SIPA1L3: variants seen among roughly 807,000 people sequenced by gnomAD.
SIPA1L3 encodes signal-induced proliferation-associated 1-like protein 3.
In SIPA1L3, 59 loss-of-function variants were observed where a neutral mutation model predicts 150.1. The ratio of observed to expected loss-of-function variants is 0.39; its 90% CI spans 0.32 to 0.49. The LOEUF (loss-of-function observed/expected upper bound fraction) is 0.49. SIPA1L3 is among the 20% of genes least tolerant of loss of function. The pLI is 0.86. For synonymous variants in SIPA1L3, 1,070 were observed against 1,077.6 expected (o/e 0.99, Z 0.14); for missense variants, 2,211 against 2,489.5 (o/e 0.89, Z 2.38).
At chr19:37,961,858 A>C (rs913946386) in intron 1 of SIPA1L3, among the ~76,000 whole-genome samples, 1 of 151,650 alleles carries the variant, frequency 6.6e-6, no homozygotes, top group Non-Finnish European at 1.5e-5. Context: ...ACTTTTTTTG[A>C]TCTATCTTTA....
chr19:38,106,277 T>G (rs574506062), intron 6 of SIPA1L3: 17 of 347,736 alleles, frequency 4.9e-5, no homozygotes, highest in Middle Eastern at 9.5e-4. Context: ...TGGCTAATTT[T>G]TGTGCTTTTA....
chr19:38,049,183 C>T (rs1969129922), intron 2 of SIPA1L3, among the ~76,000 whole-genome samples: 1 of 152,162 alleles, frequency 6.6e-6, no homozygotes, highest in Admixed American at 6.5e-5. Context: ...TCCCTTGTCA[C>T]TGGGAAGGTT....
intron 1 of SIPA1L3, among the ~76,000 whole-genome samples, chr19:37,984,136 G>T (rs930933857): frequency 6.6e-6 from 1 of 152,160 alleles, no homozygotes; most frequent in South Asian, 2.1e-4. Context: ...CTCAGGGAGC[G>T]CTGTGTGAGC....
intron 1 of SIPA1L3, among the ~76,000 whole-genome samples, chr19:37,924,256 G>C (rs963666882): frequency 6.6e-6 from 1 of 151,798 alleles, no homozygotes; most frequent in African/African-American, 2.4e-5. Flanking sequence ...ATGAGCCTAG[G>C]CCTCCACAGG....
intron 7 of SIPA1L3, among the ~76,000 whole-genome samples, chr19:38,107,280 G>A (rs1428996767): frequency 1.3e-5 from 2 of 152,224 alleles, no homozygotes; most frequent in Non-Finnish European, 2.9e-5. Context: ...TTGGGGCCTG[G>A]GGTAGGGGTG....
In SIPA1L3 at chr19:37,998,032, GAGCT is replaced by G. The variant is rs1479901270; in HGVS notation, c.-378-31054_-378-31051del. On this transcript the variant is annotated intron_variant, in intron 1 of 21. Coordinates refer to ENST00000222345, the MANE Select transcript of SIPA1L3 (RefSeq NM_015073.3). ...TTCAAATCCCAGCCCCAGCTGGTAA[GAGCT>G]AGATAACCTTGGGCAAGTAGCTTTA... 2.0e-5 allele frequency among the ~76,000 whole-genome samples: 3 copies of G among 152,304 alleles called. No homozygotes were observed. In the East Asian group the frequency reaches 5.8e-4, roughly 29 times the overall value.
intron 2 of SIPA1L3, among the ~76,000 whole-genome samples, chr19:38,079,279 G>A (rs1381071787): frequency 6.6e-6 from 1 of 152,200 alleles, no homozygotes; most frequent in Non-Finnish European, 1.5e-5. Flanking sequence ...CTTGCAGTGA[G>A]CCGAGATCGC....
intron 2 of SIPA1L3, among the ~76,000 whole-genome samples, chr19:38,075,030 G>A (rs866270985): frequency 1.3e-5 from 2 of 152,176 alleles, no homozygotes; most frequent in South Asian, 2.1e-4. Context: ...CACTGTGCCC[G>A]GCTTCATTGA....
At chr19:38,013,276 C>A (rs528793656) in intron 1 of SIPA1L3, among the ~76,000 whole-genome samples, 1 of 152,040 alleles carries the variant, frequency 6.6e-6, no homozygotes, top group Admixed American at 6.6e-5. Context: ...CATTTCAGCT[C>A]GTACCAGGTC....
chr19:38,190,603 A>G (rs1972787008), intron 16 of SIPA1L3, among the ~76,000 whole-genome samples: 1 of 152,262 alleles, frequency 6.6e-6, no homozygotes, highest in African/African-American at 2.4e-5. Context: ...AAGACATCTT[A>G]TTTCTTCCCC....
In SIPA1L3 at chr19:37,984,713, G is replaced by A. The variant is rs143455440; in HGVS notation, c.-378-44376G>A. Among the ~76,000 whole-genome samples the A allele has an allele frequency of 9.5e-4, 145 of 152,328 alleles. No individual in the cohort carries two copies. The Middle Eastern group carries it at 0.014, about 14-fold the overall frequency. The stretch of plus-strand genomic sequence containing the variant: ...AGCAAGTGTGCATTAAATGTTAGCT[G>A]CGTTACTGTTGGTGTCATAAACGTT... On this transcript the variant is annotated intron_variant, in intron 1 of 21. Coordinates refer to ENST00000222345, the MANE Select transcript of SIPA1L3 (RefSeq NM_015073.3).
intron 13 of SIPA1L3, among the ~76,000 whole-genome samples, chr19:38,158,249 G>C (rs1042135472): frequency 3.5e-4 from 54 of 152,242 alleles, no homozygotes; most frequent in African/African-American, 1.2e-3. Flanking sequence ...AAAAAAAGTG[G>C]AAACTGTCAC....
intron 1 of SIPA1L3, among the ~76,000 whole-genome samples, chr19:37,933,160 T>C (rs1014985665): frequency 1.3e-5 from 2 of 152,060 alleles, no homozygotes; most frequent in Admixed American, 6.6e-5. Context: ...GGCCCCCATT[T>C]TCCCTGTGTG....
chr19:38,183,009 G>T, intron 16 of SIPA1L3: 2 of 410,688 alleles, frequency 4.9e-6, no homozygotes, highest in Non-Finnish European at 8.7e-6. Context: ...TCCGGGTGTG[G>T]AACATTCCAG....
At position 38,100,176 on chromosome 19, in the gene SIPA1L3, T is replaced by A. The variant is rs776882077; in HGVS notation, c.1854+26T>A. 20 of 1,514,624 alleles carry A rather than the reference T, an allele frequency of 1.3e-5. 1 individual carries two copies. The South Asian group carries it at 2.6e-4, about 20-fold the overall frequency. The allele number at this position is 1,514,624 out of a possible 1,614,324, so 93.8% of individuals were successfully genotyped here. ...GTGAGTCAGGGGCTGGAGGTGGGGG[T>A]GCTGCTGGGGCAGTACCTTGCAACC... On this transcript the variant is annotated intron_variant, in intron 5 of 21. Coordinates refer to ENST00000222345, the MANE Select transcript of SIPA1L3 (RefSeq NM_015073.3).
intron 1 of SIPA1L3, among the ~76,000 whole-genome samples, chr19:38,019,134 G>A (rs1968308673): frequency 1.3e-5 from 2 of 152,202 alleles, no homozygotes; most frequent in Admixed American, 6.5e-5. Context: ...CGGCTCATTT[G>A]AAAAGCCCAT....
At chr19:38,140,272 A>G (rs1461115515) in intron 10 of SIPA1L3, among the ~76,000 whole-genome samples, 1 of 152,128 alleles carries the variant, frequency 6.6e-6, no homozygotes, top group Non-Finnish European at 1.5e-5. Flanking sequence ...GTGGCAGTGG[A>G]GAATGCCAGC....
chr19:38,178,027 A>G (rs770204448), intron 15 of SIPA1L3, among the ~76,000 whole-genome samples: 2 of 151,588 alleles, frequency 1.3e-5, no homozygotes, highest in Non-Finnish European at 2.9e-5. Context: ...TTTCCTGATT[A>G]TAAACAGTAC....
chr19:37,959,968 T>C (rs2046843108), intron 1 of SIPA1L3, among the ~76,000 whole-genome samples: 3 of 152,138 alleles, frequency 2.0e-5, no homozygotes, highest in Admixed American at 6.5e-5. Flanking sequence ...CTCTTTTGTG[T>C]TATTATTGTC....
Sources: allele counts gnomAD v4.1 joint callset (sites outside exome capture counted in the v4.1 genomes callset), GRCh38; gene constraint gnomAD v4.1.1; transcripts MANE v1.5; gene names NCBI Gene and HGNC (gene_info 2026-07-23, HGNC 2026-07-21).